TACR1: variants seen among roughly 807,000 people sequenced by gnomAD.
The protein encoded by TACR1 is substance-P receptor.
In TACR1, 25 loss-of-function variants were observed where a neutral mutation model predicts 35.8. The observed-to-expected ratio is 0.70, with a 90% CI of 0.51 to 0.98. TACR1 has a LOEUF of 0.98. Ranked by LOEUF, TACR1 falls within the 50% of genes least tolerant of loss-of-function variation. TACR1 has a pLI of 0.00. For synonymous variants in TACR1, 195 were observed against 206.7 expected, an observed-to-expected ratio of 0.94 and a Z score of 0.48; for missense variants, 478 against 522.9, an observed-to-expected ratio of 0.91 and a Z score of 0.84.
At chr2:75,127,534 C>T (rs371657334) in intron 1 of TACR1, among the ~76,000 whole-genome samples, 27 of 152,194 alleles carry the variant, frequency 1.8e-4, no homozygotes, top group African/African-American at 6.0e-4. Flanking sequence ...ATAGCAAGGG[C>T]GCCATCAACA....
At chr2:75,105,824 G>C (rs1353048909) in intron 2 of TACR1, among the ~76,000 whole-genome samples, 1 of 151,638 alleles carries the variant, frequency 6.6e-6, no homozygotes, top group East Asian at 1.9e-4. Flanking sequence ...CCAACTGAGG[G>C]ATCTGCCACA....
At chr2:75,103,377 G>A (rs751891732) in intron 2 of TACR1, among the ~76,000 whole-genome samples, 4 of 151,880 alleles carry the variant, frequency 2.6e-5, no homozygotes, top group Non-Finnish European at 5.9e-5. Context: ...CAAAACCCTC[G>A]AATCCCTGTA....
chr2:75,091,237 A>T (rs1673306614), intron 2 of TACR1, among the ~76,000 whole-genome samples: 1 of 149,988 alleles, frequency 6.7e-6, no homozygotes, highest in Non-Finnish European at 1.5e-5. Context: ...TCTCCCCTGA[A>T]TTTCCGCTCC....
intron 3 of TACR1, among the ~76,000 whole-genome samples, chr2:75,053,235 A>G (rs996373705): frequency 1.2e-4 from 18 of 152,138 alleles, no homozygotes; most frequent in African/African-American, 3.9e-4. Context: ...GTTCTTCATC[A>G]CTATAATTTT....
At chr2:75,169,698 A>G (rs536009178) in intron 1 of TACR1, among the ~76,000 whole-genome samples, 1 of 152,296 alleles carries the variant, frequency 6.6e-6, no homozygotes, top group African/African-American at 2.4e-5. Context: ...AGCCCATTTT[A>G]TATTGATTCT....
intron 1 of TACR1, among the ~76,000 whole-genome samples, chr2:75,193,579 T>C (rs1394032139): frequency 6.6e-6 from 1 of 152,212 alleles, no homozygotes; most frequent in Admixed American, 6.5e-5. Context: ...CAGTCTGTCA[T>C]TGACCTGAGG....
intron 1 of TACR1, among the ~76,000 whole-genome samples, chr2:75,149,943 A>C (rs986975325): frequency 2.0e-5 from 3 of 152,156 alleles, no homozygotes; most frequent in Admixed American, 6.5e-5. Context: ...AGAGTTTTTA[A>C]GCATGAAGCG....
intron 1 of TACR1, among the ~76,000 whole-genome samples, chr2:75,126,247 C>T (rs773849901): frequency 6.6e-6 from 1 of 152,038 alleles, no homozygotes; most frequent in Non-Finnish European, 1.5e-5. Context: ...GTAAAATACA[C>T]GATTTCATTC....
intron 1 of TACR1, among the ~76,000 whole-genome samples, chr2:75,151,899 C>T (rs1239460779): frequency 2.0e-5 from 3 of 152,172 alleles, no homozygotes; most frequent in South Asian, 2.1e-4. Flanking sequence ...ACTGTGACCT[C>T]GATGTGAGAC....
chr2:75,132,775 C>T (rs1444168725), intron 1 of TACR1, among the ~76,000 whole-genome samples: 7 of 152,236 alleles, frequency 4.6e-5, no homozygotes, highest in Non-Finnish European at 7.3e-5. Context: ...TACTTCCAGA[C>T]TGGGACCACT....
At chr2:75,135,759 G>A (rs1326857483) in intron 1 of TACR1, among the ~76,000 whole-genome samples, 2 of 152,044 alleles carry the variant, frequency 1.3e-5, no homozygotes, top group Admixed American at 6.6e-5. Context: ...ACTGCAGACC[G>A]GTAAATGGGG....
intron 2 of TACR1, among the ~76,000 whole-genome samples, chr2:75,067,840 G>A (rs993918511): frequency 2.0e-5 from 3 of 152,164 alleles, no homozygotes; most frequent in Non-Finnish European, 4.4e-5. Context: ...GCCATGAGAT[G>A]TGGTGGGGGC....
In TACR1 at chr2:75,049,295, T is replaced by TC; in HGVS notation, c.*136dup. 1.1e-6 allele frequency: 1 copy of TC among 945,064 alleles called. No individual in the cohort carries two copies. 58.5% of individuals were successfully genotyped at this position (945,064 alleles called of 1,614,324 possible). On this transcript the variant is annotated 3_prime_UTR_variant, in exon 5 of 5. Transcript: ENST00000305249. Reference sequence around the variant, plus strand: ...TTTTTGACTCAAGGATGGAATGTTTTCCCTAACCCATACTGACCCTTTTTG... The same window carrying TC: ...TTTTTGACTCAAGGATGGAATGTTTTCCCCTAACCCATACTGACCCTTTTTG...
intron 1 of TACR1, among the ~76,000 whole-genome samples, chr2:75,155,590 G>C (rs1225786239): frequency 1.3e-5 from 2 of 152,164 alleles, no homozygotes; most frequent in African/African-American, 4.8e-5. Context: ...GGGTCACATA[G>C]CTCAGATACA....
intron 2 of TACR1, among the ~76,000 whole-genome samples, chr2:75,116,519 T>C (rs1673862858): frequency 6.6e-6 from 1 of 152,068 alleles, no homozygotes; most frequent in Non-Finnish European, 1.5e-5. Context: ...TGTCATTGAG[T>C]GTATATGTGA....
chr2:75,053,498 G>A (rs2103783422), intron 3 of TACR1, 107 bp downstream of exon 3: 1 of 1,340,040 alleles, frequency 7.5e-7, no homozygotes, highest in Non-Finnish European at 9.8e-7. Flanking sequence ...CCCCATACCT[G>A]GGGATATTTT....
intron 2 of TACR1, among the ~76,000 whole-genome samples, chr2:75,119,388 T>C (rs1673921131): frequency 6.6e-6 from 1 of 152,232 alleles, no homozygotes; most frequent in South Asian, 2.1e-4. Flanking sequence ...GGCAATCTTG[T>C]AATTAAAATT....
Position 75,198,874 on chromosome 2 carries a change from CCGAG to C in TACR1, c.57_60del (p.Ser20AsnfsTer24). ...GCTGGTTGCACGAACTGATTGGGTT[CCGAG>C]GTGTTAGTGGAGATGTTTGGGGAGA... On this transcript the variant is annotated frameshift_variant, in exon 1 of 5. Transcript: ENST00000305249. LOFTEE classifies it high-confidence loss of function. 6.2e-7 allele frequency: 1 copy of C among 1,614,040 alleles called. No homozygotes were observed. Among genetic ancestry groups the C allele is most frequent in the Non-Finnish European group, 8.5e-7 (1 of 1,180,034 alleles).
chr2:75,149,740 T>C (rs1674632109), intron 1 of TACR1, among the ~76,000 whole-genome samples: 1 of 152,164 alleles, frequency 6.6e-6, no homozygotes, highest in Admixed American at 6.5e-5. Flanking sequence ...TTTCTTTCTC[T>C]TGCCTGATTG....
Sources: allele counts gnomAD v4.1 joint callset (sites outside exome capture counted in the v4.1 genomes callset), GRCh38; gene constraint gnomAD v4.1.1; transcripts MANE v1.5; gene names NCBI Gene and HGNC (gene_info 2026-07-23, HGNC 2026-07-21).